Variants in USP6 observed in about 807,000 individuals in gnomAD.
USP6 encodes the protein ubiquitin specific peptidase 6.
In USP6, 128 loss-of-function variants were observed where a neutral mutation model predicts 175.7. The observed-to-expected ratio is 0.73, with a 90% CI of 0.63 to 0.84. The LOEUF is 0.84. Among genes scored for constraint, USP6 ranks in the 40% least tolerant of loss-of-function variants. USP6 has a pLI of 0.00. For synonymous variants in USP6, 562 were observed against 630.6 expected (o/e 0.89, Z 1.63); for missense variants, 1,498 against 1,760.3 (o/e 0.85, Z 2.67).
chr17:5,172,824 T>C lies in USP6; in HGVS notation c.4067T>C (p.Ile1356Thr), dbSNP rs747600036. ...TTTCAGGAACTTCACCCTGATGAAA[T>C]TGACACCGACTCTGCCTACATTCTT... is the stretch of plus-strand genomic sequence containing the variant. ...SSCEELHPDE[I>T]DTDSAYILFY... Residue 1356 changes from isoleucine (I) to threonine (T), a missense_variant, in exon 38 of 38, where the codon ATT (isoleucine) becomes ACT (threonine). Transcript: ENST00000574788. 8.1e-6 allele frequency: 13 copies of C among 1,613,498 alleles called. No homozygotes were observed. The highest frequency in any genetic ancestry group is 2.7e-5 in the African/African-American group (2 of 74,904).
chr17:5,121,174 G>A (rs1270343903), intron 3 of USP6, among the ~76,000 whole-genome samples: 2 of 152,158 alleles, frequency 1.3e-5, no homozygotes, highest in East Asian at 1.9e-4. Context: ...GCCGCAGTTC[G>A]GTAGGGGTAA....
At position 5,155,567 on chromosome 17, in the gene USP6, C is replaced by G. The variant is rs1314061293; in HGVS notation, c.2789C>G (p.Pro930Arg). 2 of 1,613,800 alleles carry G rather than the reference C, an allele frequency of 1.2e-6. No homozygotes were observed. The highest frequency in any genetic ancestry group is 8.5e-7 in the Non-Finnish European group (1 of 1,179,900). ...VWIQVSWLAR[P>R]LPPQEASIHA... Reference sequence around the variant, plus strand: ...ATTCAAGTATCCTGGTTAGCAAGACCACTCCCACCTCAGGAAGCTAGTATT... The same window carrying G: ...ATTCAAGTATCCTGGTTAGCAAGACGACTCCCACCTCAGGAAGCTAGTATT... Residue 930 changes from proline (P) to arginine (R), a missense_variant, in exon 31 of 38, where the codon CCA becomes CGA. Physicochemically the swap from Pro to Arg is moderately radical, Grantham distance 103. This residue lies in a region of USP6 where 1,217 missense variants were observed against 1,500.8 expected (regional missense o/e 0.81). Coordinates refer to ENST00000574788, the MANE Select transcript of USP6 (RefSeq NM_001304284.2).
chr17:5,126,171 C>T (rs2072888909), intron 6 of USP6, among the ~76,000 whole-genome samples: 1 of 147,950 alleles, frequency 6.8e-6, no homozygotes, highest in African/African-American at 2.4e-5. Context: ...GCTTCAGTCT[C>T]TTTCTTAGTT....
chr17:5,133,067 C>A, intron 13 of USP6, 77 bp downstream of exon 13: 2 of 1,524,144 alleles, frequency 1.3e-6, no homozygotes, highest in Non-Finnish European at 1.8e-6. Flanking sequence ...TGTGGCCTGG[C>A]ACCGTCAGCC....
At chr17:5,143,906 G>A (rs559811546) in intron 25 of USP6, among the ~76,000 whole-genome samples, 10 of 152,110 alleles carry the variant, frequency 6.6e-5, no homozygotes, top group African/African-American at 2.4e-4. Context: ...AGCCTGGGCA[G>A]CAGAGTAAGA....
chr17:5,155,023 A>G (rs2073851237), intron 30 of USP6, among the ~76,000 whole-genome samples: 1 of 152,214 alleles, frequency 6.6e-6, no homozygotes, highest in Non-Finnish European at 1.5e-5. Flanking sequence ...GGCGTGAGCT[A>G]CCACACCCAG....
At chr17:5,145,641 T>TG (rs2073585795) in intron 27 of USP6, 62 bp downstream of exon 27, 1 of 1,494,010 alleles carries the variant, frequency 6.7e-7, no homozygotes, top group Non-Finnish European at 8.9e-7. Context: ...TTAAATAGCC[T>TG]GAATTTGTAA....
chr17:5,146,972 GGTTTTA>G lies in USP6; in HGVS notation c.2320-110_2320-105del, dbSNP rs1357440538. On this transcript the variant is annotated intron_variant, in intron 28 of 37. Coordinates refer to ENST00000574788, the MANE Select transcript of USP6 (RefSeq NM_001304284.2). ...TGAAAAATTATTCAATCATCTCGTT[GGTTTTA>G]TGGATGAAAGGACCTAAGACATTCT... The G allele has an allele frequency of 1.6e-5, 17 of 1,089,566 alleles. No individual in the cohort carries two copies. In the Admixed American group the frequency reaches 4.3e-4, roughly 28 times the overall value. The allele number at this position is 1,089,566 out of a possible 1,614,324, so 67.5% of individuals were successfully genotyped here.
At chr17:5,141,897 G>A (rs762266889) in intron 23 of USP6, 106 bp from the exon 24 acceptor site, 129 of 1,483,864 alleles carry the variant, frequency 8.7e-5, no homozygotes, top group Non-Finnish European at 1.1e-4. Flanking sequence ...GCACCATTTA[G>A]CTGATTATGA....
rs1478405778 is a variant in USP6 at position 5,132,838 on chromosome 17, A to G, written c.196-72A>G. 5.1e-6 allele frequency: 8 copies of G among 1,570,834 alleles called. No individual in the cohort carries two copies. The highest frequency in any genetic ancestry group is 7.0e-6 in the Non-Finnish European group (8 of 1,140,992). The stretch of plus-strand genomic sequence containing the variant: ...GGGTCCCACCAGGGCTCCAGAGCCC[A>G]AGACTCAGCATCCATGGGCGGCTCT... On this transcript the variant is annotated intron_variant, in intron 12 of 37. Coordinates refer to ENST00000574788, the MANE Select transcript of USP6 (RefSeq NM_001304284.2). The surrounding 1 kb of genome is among the most constrained non-coding windows in gnomAD (Gnocchi z 4.7).
chr17:5,132,869 G>A lies in USP6; in HGVS notation c.196-41G>A, dbSNP rs771400607. On this transcript the variant is annotated intron_variant, in intron 12 of 37. Coordinates refer to ENST00000574788, the MANE Select transcript of USP6 (RefSeq NM_001304284.2). The surrounding 1 kb of genome is among the most constrained non-coding windows in gnomAD (Gnocchi z 4.7). ...CAGCATCCATGGGCGGCTCTGGGAA[G>A]CCTGGCAGCTCCACTAACTCCAACA... is the stretch of plus-strand genomic sequence containing the variant. 1 of 1,611,992 alleles carries A rather than the reference G, an allele frequency of 6.2e-7. No homozygotes were observed. The highest frequency in any genetic ancestry group is 1.1e-5 in the South Asian group (1 of 91,030).
At position 5,168,018 on chromosome 17, in the gene USP6, C is replaced by A. The variant is rs567423848; in HGVS notation, c.3123C>A (p.Thr1041=). ...TGGACAGCTGTCTCCGTGCTTTCACCAGTGAGGAAGAGCTAGGGGAAAGTG... is the reference window on the plus strand; with the variant it reads ...TGGACAGCTGTCTCCGTGCTTTCACAAGTGAGGAAGAGCTAGGGGAAAGTG... ...INLDSCLRAF[T]SEEELGESEM... is the part of the protein sequence containing the mutation. Residue 1041 remains threonine, a synonymous_variant, in exon 34 of 38, where the codon ACC becomes ACA. Transcript: ENST00000574788. The A allele has an allele frequency of 3.1e-6, 5 of 1,611,970 alleles. No homozygotes were observed. In the East Asian group the frequency reaches 8.9e-5, roughly 29 times the overall value.
At chr17:5,142,211 C>T (rs2073468441) in intron 24 of USP6, 70 bp downstream of exon 24, 1 of 1,564,732 alleles carries the variant, frequency 6.4e-7, no homozygotes, top group Non-Finnish European at 8.7e-7. Context: ...CCTAAATTTC[C>T]TCTTTTTTCA....
chr17:5,161,745 A>G (rs1420681612), intron 32 of USP6, 131 bp downstream of exon 32: 13 of 1,062,980 alleles, frequency 1.2e-5, no homozygotes, highest in African/African-American at 3.2e-5. Context: ...GCTGGGCACC[A>G]TGGCTCAGGC....
At chr17:5,169,694 G>A (rs2074172311) in intron 35 of USP6, among the ~76,000 whole-genome samples, 1 of 152,108 alleles carries the variant, frequency 6.6e-6, no homozygotes, top group African/African-American at 2.4e-5. Context: ...CTCCTGCTTC[G>A]GCCTCCTAAA....
intron 35 of USP6, among the ~76,000 whole-genome samples, chr17:5,169,419 C>T (rs1237150834): frequency 2.0e-5 from 3 of 151,996 alleles, no homozygotes; most frequent in African/African-American, 7.2e-5. Flanking sequence ...ATCAAAACTC[C>T]TTTTTTATTT....
At chr17:5,134,229 C>A (rs2073178974) in intron 15 of USP6, 2 of 544,682 alleles carry the variant, frequency 3.7e-6, no homozygotes, top group Non-Finnish European at 6.6e-6. Flanking sequence ...AGACAGAAAA[C>A]AGCAAAGAAA....
Position 5,172,932 on chromosome 17 carries a change from A to G in USP6, c.4175A>G (p.Asp1392Gly). 6.2e-7 allele frequency: 1 copy of G among 1,614,014 alleles called. No homozygotes were observed. Among genetic ancestry groups the G allele is most frequent in the East Asian group, 2.2e-5 (1 of 44,880 alleles). Residue 1392 changes from aspartate to glycine, a missense_variant, in exon 38 of 38, where the codon GAT becomes GGT. Physicochemically the swap from Asp to Gly is moderately conservative, Grantham distance 94. Transcript: ENST00000574788. Reference sequence around the variant, plus strand: ...AAGATGGCAGACACAAGCAGTACGGATGAAGACTCTGAGTCTGATTACGAA... The same window carrying G: ...AAGATGGCAGACACAAGCAGTACGGGTGAAGACTCTGAGTCTGATTACGAA... ...GKKMADTSST[D>G]EDSESDYEKY...
chr17:5,122,253 C>G (rs747412754), intron 4 of USP6, among the ~76,000 whole-genome samples: 1 of 151,990 alleles, frequency 6.6e-6, no homozygotes, highest in Non-Finnish European at 1.5e-5. Context: ...AGTCAGGACT[C>G]AGTAAGTGTG....
Sources: allele counts gnomAD v4.1 joint callset (sites outside exome capture counted in the v4.1 genomes callset), GRCh38; gene constraint gnomAD v4.1.1; regional missense constraint gnomAD v4.1.1; non-coding constraint Gnocchi (gnomAD v3.1); transcripts MANE v1.5; gene names NCBI Gene and HGNC (gene_info 2026-07-23, HGNC 2026-07-21).